Variants in CAMK4 observed in about 807,000 individuals in gnomAD.
CAMK4 encodes the protein calcium/calmodulin dependent protein kinase IV.
A neutral mutation model predicts 44.9 loss-of-function variants in CAMK4; 22 were observed. The observed-to-expected ratio is 0.49, with a 90% CI of 0.35 to 0.70. The LOEUF (loss-of-function observed/expected upper bound fraction) is 0.70, where lower values mean the gene tolerates loss of function less well. CAMK4 is among the 30% of genes least tolerant of loss of function. CAMK4 has a pLI of 0.01. For missense variants in CAMK4, 498 were observed against 586.8 expected (o/e 0.85, Z 1.56); for synonymous variants, 218 against 215.4 (o/e 1.01, Z -0.11).
chr5:111,481,818 T>G (rs1215515131), intron 9 of CAMK4: 1 of 152,196 alleles, frequency 6.6e-6, no homozygotes, highest in Non-Finnish European at 1.5e-5. Flanking sequence ...TTGGCACTAG[T>G]AGTTCCAAAT....
At chr5:111,465,306 G>A (rs938468823) in intron 7 of CAMK4, among the ~76,000 whole-genome samples, 2 of 151,030 alleles carry the variant, frequency 1.3e-5, no homozygotes, top group Non-Finnish European at 3.0e-5. Context: ...AGAGAAACAA[G>A]AACAAACCCA....
Position 111,327,962 on chromosome 5 carries a change from C to T in CAMK4, c.162-16062C>T, listed in dbSNP as rs1372221792. On this transcript the variant is annotated intron_variant, in intron 1 of 10. Transcript: ENST00000282356. ...AAATTTTCTCCCATGTCGTAGGTTGCCTGTTCACTCTGATGGTAGTTTCTT... is the reference window on the plus strand; with the variant it reads ...AAATTTTCTCCCATGTCGTAGGTTGTCTGTTCACTCTGATGGTAGTTTCTT... Among the ~76,000 whole-genome samples the T allele has an allele frequency of 1.9e-5, 2 of 103,902 alleles. 1 individual carries two copies. The allele number at this position is 103,902 out of a possible 152,430, so 68.2% of individuals were successfully genotyped here. A position where few individuals can be genotyped will look rare whatever the true frequency, so the allele number is the denominator to read the frequency against.
chr5:111,472,059 A>G (rs1383954366), intron 7 of CAMK4, among the ~76,000 whole-genome samples: 1 of 151,668 alleles, frequency 6.6e-6, no homozygotes, highest in Non-Finnish European at 1.5e-5. Flanking sequence ...TGCCTGGCTA[A>G]TTTTTTTGTA....
chr5:111,383,016 C>T (rs560085105), intron 4 of CAMK4, among the ~76,000 whole-genome samples: 9 of 152,246 alleles, frequency 5.9e-5, no homozygotes, highest in African/African-American at 2.2e-4. Context: ...TTATAGTTTA[C>T]TTTTTCTAGA....
At chr5:111,259,869 AAT>A (rs1380113877) in intron 1 of CAMK4, among the ~76,000 whole-genome samples, 1 of 152,184 alleles carries the variant, frequency 6.6e-6, no homozygotes, top group Admixed American at 6.5e-5. Flanking sequence ...GGAGCAGAAA[AAT>A]ATAAAACATA....
chr5:111,394,338 A>C (rs191625302), intron 4 of CAMK4, among the ~76,000 whole-genome samples: 1 of 152,296 alleles, frequency 6.6e-6, no homozygotes, highest in East Asian at 1.9e-4. Flanking sequence ...GAAGTAATTA[A>C]GCAGATAAAA....
intron 1 of CAMK4, among the ~76,000 whole-genome samples, chr5:111,244,520 A>C (rs1242359232): frequency 6.6e-6 from 1 of 152,202 alleles, no homozygotes; most frequent in Non-Finnish European, 1.5e-5. Flanking sequence ...ATACTAGTTA[A>C]ATATGCTAGT....
intron 4 of CAMK4, among the ~76,000 whole-genome samples, chr5:111,392,130 G>C (rs913806691): frequency 6.6e-6 from 1 of 152,028 alleles, no homozygotes; most frequent in Non-Finnish European, 1.5e-5. Context: ...TAGTGTATTA[G>C]TCTGTTCTCA....
intron 1 of CAMK4, among the ~76,000 whole-genome samples, chr5:111,254,744 C>T (rs1749667605): frequency 6.6e-6 from 1 of 152,170 alleles, no homozygotes; most frequent in Non-Finnish European, 1.5e-5. Context: ...GCATCATGCA[C>T]ACCGCTCTAC....
At chr5:111,269,059 T>C (rs1750386793) in intron 1 of CAMK4, among the ~76,000 whole-genome samples, 1 of 152,120 alleles carries the variant, frequency 6.6e-6, no homozygotes, top group African/African-American at 2.4e-5. Flanking sequence ...GCATAGAAAA[T>C]TTGGTTTAAA....
At chr5:111,431,299 G>A (rs937334251) in intron 5 of CAMK4, among the ~76,000 whole-genome samples, 1 of 152,106 alleles carries the variant, frequency 6.6e-6, no homozygotes, top group African/African-American at 2.4e-5. Context: ...GGGAAAACTG[G>A]ATATCCATAT....
chr5:111,420,443 C>A (rs1329199783), intron 5 of CAMK4, among the ~76,000 whole-genome samples: 1 of 152,104 alleles, frequency 6.6e-6, no homozygotes, highest in African/African-American at 2.4e-5. Flanking sequence ...ACTTCTCCTG[C>A]CTAATTGCCC....
At chr5:111,395,244 A>G (rs1482347034) in intron 5 of CAMK4, among the ~76,000 whole-genome samples, 1 of 150,438 alleles carries the variant, frequency 6.6e-6, no homozygotes, top group African/African-American at 2.5e-5. Flanking sequence ...AAAAAAGAAA[A>G]AGAAAAAAGA....
chr5:111,334,467 T>C (rs1210760350), intron 1 of CAMK4, among the ~76,000 whole-genome samples: 1 of 151,538 alleles, frequency 6.6e-6, no homozygotes, highest in Non-Finnish European at 1.5e-5. Flanking sequence ...TATACTGATA[T>C]TAAATGCTTA....
rs777357216 is a variant in CAMK4, at chr5:111,473,385, T to C, written c.700T>C (p.Leu234=). 5 of 1,584,386 alleles carry C rather than the reference T, an allele frequency of 3.2e-6. No homozygotes were observed. The highest frequency in any genetic ancestry group is 4.3e-6 in the Non-Finnish European group (5 of 1,153,602). The change falls in exon 8 of 11, where the codon TTA becomes CTA. Residue 234 remains leucine, a splice_region_variant and synonymous_variant. Transcript: ENST00000282356. ...GTCTGTAGGAATAATCACCTACATC[T>C]TGTAAGTGAAGAAAAGCAATATTTA... ...MWSVGIITYI[L]LCGFEPFYDE...
chr5:111,238,110 G>A (rs1363830616), intron 1 of CAMK4, among the ~76,000 whole-genome samples: 2 of 152,162 alleles, frequency 1.3e-5, no homozygotes, highest in East Asian at 1.9e-4. Context: ...AGGGGCAGAA[G>A]GGAGGCCACT....
At chr5:111,376,669 G>A (rs1370872390) in intron 3 of CAMK4, among the ~76,000 whole-genome samples, 191 bp from the exon 4 acceptor site, 1 of 151,950 alleles carries the variant, frequency 6.6e-6, no homozygotes, top group Non-Finnish European at 1.5e-5. Flanking sequence ...AAAAAAATGA[G>A]GTAACTGATA....
At chr5:111,286,842 G>A (rs919220810) in intron 1 of CAMK4, among the ~76,000 whole-genome samples, 2 of 152,168 alleles carry the variant, frequency 1.3e-5, no homozygotes, top group Non-Finnish European at 2.9e-5. Flanking sequence ...TAATGCTACT[G>A]AAACTAACTT....
At chr5:111,340,194 G>A (rs780000306) in intron 1 of CAMK4, among the ~76,000 whole-genome samples, 5 of 150,828 alleles carry the variant, frequency 3.3e-5, no homozygotes, top group African/African-American at 7.3e-5. Flanking sequence ...ACTCCTTTTT[G>A]ATTCAGATTC....
Sources: gnomAD v4.1 joint callset for allele counts (sites outside exome capture counted in the v4.1 genomes callset) on GRCh38, gnomAD v4.1.1 for gene constraint, MANE v1.5 for transcripts, NCBI Gene and HGNC (gene_info 2026-07-23, HGNC 2026-07-21) for gene names.